INSC: variants seen among roughly 807,000 people sequenced by gnomAD.
The protein encoded by INSC is protein inscuteable homolog.
INSC carries 67 observed loss-of-function variants against 58.6 expected under a neutral mutation model. The observed-to-expected ratio is 1.14, with a 90% CI of 0.94 to 1.40. INSC has a LOEUF of 1.40. Ranked by LOEUF, INSC falls within the 40% of genes most tolerant of loss-of-function variation. The probability of loss-of-function intolerance (pLI) is 0.00; values close to 1 mark genes in which losing one functional copy is unlikely to be tolerated. For synonymous variants in INSC, 262 were observed against 276.1 expected (o/e 0.95, Z 0.51); for missense variants, 714 against 692.0 (o/e 1.03, Z -0.36).
chr11:15,192,876 A>G (rs1850230230), intron 6 of INSC, among the ~76,000 whole-genome samples: 1 of 152,236 alleles, frequency 6.6e-6, no homozygotes, highest in African/African-American at 2.4e-5. Flanking sequence ...TACTCAGACT[A>G]GATTCATATA....
intron 1 of INSC, among the ~76,000 whole-genome samples, chr11:15,138,228 A>T (rs534973496): frequency 1.3e-5 from 2 of 152,344 alleles, no homozygotes; most frequent in Admixed American, 1.3e-4. Context: ...ACAGATCACC[A>T]CAGCAGATAC....
intron 4 of INSC, among the ~76,000 whole-genome samples, chr11:15,177,876 C>A (rs978765215): frequency 6.6e-6 from 1 of 152,188 alleles, no homozygotes; most frequent in Admixed American, 6.5e-5. Context: ...TCAAGGCTCT[C>A]TGCACACTCT....
intron 2 of INSC, among the ~76,000 whole-genome samples, chr11:15,149,765 G>A (rs772790176): frequency 6.6e-6 from 1 of 152,196 alleles, no homozygotes; most frequent in Non-Finnish European, 1.5e-5. Flanking sequence ...GCCACCAGAG[G>A]TGCCTCCACA....
intron 6 of INSC, among the ~76,000 whole-genome samples, 190 bp downstream of exon 6, chr11:15,191,004 G>A (rs562768696): frequency 2.4e-4 from 35 of 143,990 alleles, no homozygotes; most frequent in Middle Eastern, 3.7e-3. Context: ...TTTTTGAGAC[G>A]GAGTCTCACT....
At chr11:15,222,653 A>G (rs975473577) in intron 8 of INSC, among the ~76,000 whole-genome samples, 1 of 152,170 alleles carries the variant, frequency 6.6e-6, no homozygotes, top group African/African-American at 2.4e-5. Context: ...TAAACAAGAC[A>G]TTGCAACTCG....
chr11:15,236,196 A>T (rs1029515479), intron 10 of INSC, among the ~76,000 whole-genome samples: 12 of 152,112 alleles, frequency 7.9e-5, no homozygotes, highest in African/African-American at 2.7e-4. Flanking sequence ...CTAGTGGAAG[A>T]CAGATAATGT....
chr11:15,204,011 A>T (rs1374740501), intron 7 of INSC, among the ~76,000 whole-genome samples: 1 of 152,194 alleles, frequency 6.6e-6, no homozygotes, highest in Non-Finnish European at 1.5e-5. Flanking sequence ...TGCAACAGAG[A>T]CCATATAGCC....
chr11:15,112,647 T>TGGG (rs71044036), upstream of INSC: 174 of 112,660 alleles, frequency 1.5e-3, 13 homozygotes, highest in African/African-American at 9.0e-3. Context: ...TATTGGGAAG[T>TGGG]GGGGGGGGGG....
At chr11:15,127,815 C>A (rs1453890615) in intron 1 of INSC, among the ~76,000 whole-genome samples, 2 of 152,018 alleles carry the variant, frequency 1.3e-5, no homozygotes, top group African/African-American at 4.8e-5. Context: ...CACAACATAG[C>A]AAAACCCTGT....
At chr11:15,218,548 T>TTCTC (rs368147227) in intron 7 of INSC, among the ~76,000 whole-genome samples, 60 of 151,608 alleles carry the variant, frequency 4.0e-4, no homozygotes, top group African/African-American at 1.4e-3. Context: ...TTAAAACTTA[T>TTCTC]TCTCTCTCTC....
At chr11:15,232,400 C>T (rs1851959443) in intron 9 of INSC, among the ~76,000 whole-genome samples, 1 of 152,160 alleles carries the variant, frequency 6.6e-6, no homozygotes, top group Admixed American at 6.5e-5. Flanking sequence ...AATGCTCATA[C>T]AGGACTTAAA....
chr11:15,239,551 T>C (rs937048889), intron 11 of INSC, among the ~76,000 whole-genome samples: 1 of 152,124 alleles, frequency 6.6e-6, no homozygotes, highest in Non-Finnish European at 1.5e-5. Flanking sequence ...ACCCAACAAA[T>C]ATTGTCAGAG....
At chr11:15,131,999 C>T (rs1818886786) in intron 1 of INSC, among the ~76,000 whole-genome samples, 1 of 151,964 alleles carries the variant, frequency 6.6e-6, no homozygotes, top group African/African-American at 2.4e-5. Flanking sequence ...TACTTTCTTT[C>T]TTTGTTTGGA....
At chr11:15,238,840 G>A (rs1784338262) in intron 10 of INSC, 79 bp from the exon 11 acceptor site, 4 of 1,472,372 alleles carry the variant, frequency 2.7e-6, no homozygotes, top group Admixed American at 1.8e-5. Flanking sequence ...CTTGCACCCT[G>A]CAGCCATCTG....
the INSC span, among the ~76,000 whole-genome samples, chr11:15,259,799 A>G: frequency 6.6e-6 from 1 of 152,182 alleles, no homozygotes; most frequent in Non-Finnish European, 1.5e-5. Flanking sequence ...GTCTGACTTC[A>G]AAGCCTATGT....
Position 15,200,741 on chromosome 11 carries a change from G to A in INSC, c.694-83G>A, listed in dbSNP as rs190872782. ...GGGAGGACCCGAAAGCATATCTGGC[G>A]AATCAGGGATGTCACTTATTCTTGA... On this transcript the variant is annotated intron_variant, in intron 6 of 12. Transcript: ENST00000379556. 820 of 1,587,466 alleles carry A rather than the reference G, an allele frequency of 5.2e-4. 5 individuals are homozygous for A. Among genetic ancestry groups the A allele is most frequent in the South Asian group, 3.7e-3 (319 of 86,270 alleles).
chr11:15,239,890 C>T (rs1254843233), intron 11 of INSC, among the ~76,000 whole-genome samples: 1 of 152,124 alleles, frequency 6.6e-6, no homozygotes, highest in East Asian at 1.9e-4. Context: ...GGCAGTGTCA[C>T]CAATCATCCA....
At chr11:15,178,173 C>A in intron 4 of INSC, 151 bp from the exon 5 acceptor site, 1 of 1,024,848 alleles carries the variant, frequency 9.8e-7, no homozygotes, top group Non-Finnish European at 1.4e-6. Flanking sequence ...AGTGGGCAAG[C>A]CAGCTGTGGA....
intron 1 of INSC, among the ~76,000 whole-genome samples, chr11:15,140,968 A>G (rs954285716): frequency 3.9e-5 from 6 of 152,168 alleles, no homozygotes; most frequent in Admixed American, 6.5e-5. Flanking sequence ...AATGGAGATA[A>G]CAATAGTGAA....
Sources: gnomAD v4.1 joint callset for allele counts (sites outside exome capture counted in the v4.1 genomes callset) on GRCh38, gnomAD v4.1.1 for gene constraint, MANE v1.5 for transcripts, NCBI Gene and HGNC (gene_info 2026-07-23, HGNC 2026-07-21) for gene names.